MYLK: variants seen among roughly 807,000 people sequenced by gnomAD.
MYLK encodes the protein myosin light chain kinase, smooth muscle.
Under a neutral mutation model 203.4 loss-of-function variants are expected in MYLK, and 106 were observed. The ratio of observed to expected loss-of-function variants is 0.52; its 90% confidence interval spans 0.45 to 0.61. The LOEUF (loss-of-function observed/expected upper bound fraction) is 0.61. Among genes scored for constraint, MYLK ranks in the 20% least tolerant of loss-of-function variants. The pLI, the probability that MYLK is intolerant of heterozygous loss-of-function variation, is 0.00. For missense variants in MYLK, 2,072 were observed against 2,442.3 expected (o/e 0.85, Z 3.20); for synonymous variants, 867 against 959.5 (o/e 0.90, Z 1.78).
At position 123,865,600 on chromosome 3, in the gene MYLK, T is replaced by C. The variant is rs2032273405; in HGVS notation, c.-127+10959A>G. 2.0e-5 allele frequency among the ~76,000 whole-genome samples: 3 copies of C among 152,250 alleles called. No homozygotes were observed. In the South Asian group the frequency reaches 6.2e-4, roughly 32 times the overall value. ...AAAACAAACATGGCAGACTCTGTCCTGAAGAAGCTCCATTAGTGAAGAGTG... is the reference window on the plus strand; with the variant it reads ...AAAACAAACATGGCAGACTCTGTCCCGAAGAAGCTCCATTAGTGAAGAGTG... On this transcript the variant is annotated intron_variant, in intron 2 of 33. Transcript: ENST00000360304.
intron 23 of MYLK, among the ~76,000 whole-genome samples, chr3:123,661,503 A>G (rs538345213): frequency 9.8e-5 from 15 of 152,322 alleles, no homozygotes; most frequent in African/African-American, 3.4e-4. Context: ...AAAGAGACAG[A>G]GTGAGAAAAG....
intron 12 of MYLK, among the ~76,000 whole-genome samples, chr3:123,724,711 G>A (rs1229448699): frequency 2.0e-5 from 3 of 149,272 alleles, no homozygotes; most frequent in African/African-American, 7.4e-5. Flanking sequence ...ATAAGTGTTG[G>A]GGACCACTGC....
chr3:123,703,939 C>T (rs1010248109), intron 16 of MYLK, among the ~76,000 whole-genome samples: 1 of 152,238 alleles, frequency 6.6e-6, no homozygotes, highest in Non-Finnish European at 1.5e-5. Context: ...CTGGACTCCT[C>T]TGAGGCTTTG....
intron 2 of MYLK, among the ~76,000 whole-genome samples, chr3:123,872,373 G>A (rs1286841115): frequency 6.6e-6 from 1 of 152,112 alleles, no homozygotes; most frequent in Non-Finnish European, 1.5e-5. Context: ...GACACCAGCT[G>A]CGTCTTACAA....
chr3:123,786,741 C>T lies in MYLK; in HGVS notation c.165+6936G>A, dbSNP rs1286582427. The stretch of plus-strand genomic sequence containing the variant: ...GTTTATTTCACATTGCGTGCCTTAT[C>T]AAAATATCTCATGTACCCCATAAAT... On this transcript the variant is annotated intron_variant, in intron 4 of 33. Transcript: ENST00000360304. Among the ~76,000 whole-genome samples, 4 of 152,184 alleles carry T rather than the reference C, an allele frequency of 2.6e-5. No homozygotes were observed. The East Asian group carries it at 7.7e-4, about 29-fold the overall frequency.
chr3:123,660,253 A>C (rs371130020), intron 23 of MYLK, among the ~76,000 whole-genome samples: 1 of 152,254 alleles, frequency 6.6e-6, no homozygotes, highest in Admixed American at 6.5e-5. Flanking sequence ...GCTATCAGGC[A>C]GAATGAGCTC....
At chr3:123,686,383 T>TA (rs397767977) in intron 19 of MYLK, among the ~76,000 whole-genome samples, 3 of 150,560 alleles carry the variant, frequency 2.0e-5, no homozygotes, top group Non-Finnish European at 4.4e-5. Context: ...TTTTTTTTTT[T>TA]AATCTCCCCC....
intron 20 of MYLK, among the ~76,000 whole-genome samples, chr3:123,669,541 C>G (rs934951794): frequency 5.3e-5 from 8 of 151,726 alleles, no homozygotes; most frequent in Non-Finnish European, 1.2e-4. Flanking sequence ...TTTTGATCAT[C>G]AAACTGTGGC....
At chr3:123,720,966 C>G (rs2062066022) in intron 13 of MYLK, among the ~76,000 whole-genome samples, 1 of 152,156 alleles carries the variant, frequency 6.6e-6, no homozygotes, top group Non-Finnish European at 1.5e-5. Flanking sequence ...CTGTGGGCTC[C>G]AGGGTGCAGC....
intron 4 of MYLK, among the ~76,000 whole-genome samples, chr3:123,774,872 A>G (rs1356863311): frequency 6.6e-6 from 1 of 152,066 alleles, no homozygotes; most frequent in Non-Finnish European, 1.5e-5. Context: ...GTTCACTACT[A>G]GTGTTTGTTT....
chr3:123,679,702 G>C (rs80133298), intron 20 of MYLK, among the ~76,000 whole-genome samples: 7,695 of 152,224 alleles, frequency 0.051, 328 homozygotes, highest in East Asian at 0.15. Flanking sequence ...ATCCAGTCAT[G>C]AATGTGTGTT....
chr3:123,653,118 A>C (rs555921133), intron 24 of MYLK, among the ~76,000 whole-genome samples: 6 of 152,104 alleles, frequency 3.9e-5, no homozygotes, highest in Admixed American at 1.3e-4. Context: ...GTCAGAGCCA[A>C]CATTAGCCGG....
chr3:123,675,957 C>T (rs1025873392), intron 20 of MYLK, among the ~76,000 whole-genome samples: 6 of 152,256 alleles, frequency 3.9e-5, no homozygotes, highest in Non-Finnish European at 8.8e-5. Context: ...AAATTTCTTG[C>T]TCACCTTCCT....
intron 11 of MYLK, among the ~76,000 whole-genome samples, chr3:123,729,530 T>C (rs1442078332): frequency 1.3e-5 from 2 of 152,170 alleles, no homozygotes; most frequent in Non-Finnish European, 2.9e-5. Context: ...TATACAAATG[T>C]CCAATAAGTA....
chr3:123,704,379 A>AG (rs2061368808), intron 16 of MYLK, among the ~76,000 whole-genome samples: 1 of 152,212 alleles, frequency 6.6e-6, no homozygotes, highest in South Asian at 2.1e-4. Flanking sequence ...ACATCTGCAC[A>AG]TAACCAGTTA....
intron 4 of MYLK, among the ~76,000 whole-genome samples, chr3:123,784,033 C>T (rs1487011867): frequency 6.6e-6 from 1 of 152,168 alleles, no homozygotes; most frequent in Non-Finnish European, 1.5e-5. Flanking sequence ...GTCACGAGGC[C>T]CTTCCTGTCC....
At chr3:123,821,522 GA>G (rs1248278115) in intron 3 of MYLK, among the ~76,000 whole-genome samples, 10 of 152,226 alleles carry the variant, frequency 6.6e-5, no homozygotes, top group Admixed American at 6.5e-4. Flanking sequence ...TCCAGGGGAT[GA>G]ACCCTTGATC....
intron 4 of MYLK, among the ~76,000 whole-genome samples, chr3:123,770,393 A>G (rs920678641): frequency 6.6e-6 from 1 of 152,242 alleles, no homozygotes; most frequent in African/African-American, 2.4e-5. Flanking sequence ...AAGGTTCTAA[A>G]TCATCAACTA....
chr3:123,735,702 GGA>G (rs2062651221), intron 8 of MYLK: 2 of 397,760 alleles, frequency 5.0e-6, no homozygotes, highest in African/African-American at 4.0e-5. Context: ...ACCAATCCAG[GGA>G]CAAACAAACA....
Sources: allele counts gnomAD v4.1 joint callset (sites outside exome capture counted in the v4.1 genomes callset), GRCh38; gene constraint gnomAD v4.1.1; transcripts MANE v1.5; gene names NCBI Gene and HGNC (gene_info 2026-07-23, HGNC 2026-07-21).